Variants in ARPP19 observed in about 807,000 individuals in gnomAD.
ARPP19 encodes cAMP regulated phosphoprotein 19, also known as cAMP-regulated phosphoprotein 19.
In ARPP19, 8 loss-of-function variants were observed where a neutral mutation model predicts 12.0. The ratio of observed to expected loss-of-function variants is 0.67; its 90% CI spans 0.39 to 1.21. The LOEUF is 1.21. ARPP19 is among the 50% of genes most tolerant of loss of function. The pLI is 0.01. For missense variants in ARPP19, 102 were observed against 136.3 expected (o/e 0.75, Z 1.25); for synonymous variants, 47 against 50.4 (o/e 0.93, Z 0.29).
intron 1 of ARPP19, among the ~76,000 whole-genome samples, chr15:52,561,719 T>C (rs989126677): frequency 1.3e-5 from 2 of 150,654 alleles, no homozygotes; most frequent in Admixed American, 6.6e-5. Flanking sequence ...AATATGTTAA[T>C]AACCACAATA....
intron 1 of ARPP19, among the ~76,000 whole-genome samples, chr15:52,566,191 T>C (rs2140254681): frequency 6.7e-6 from 1 of 149,422 alleles, no homozygotes; most frequent in South Asian, 2.1e-4. Flanking sequence ...CAGAATCTTG[T>C]TCTGTTGCCC....
chr15:52,558,732 A>T (rs2078005750), intron 1 of ARPP19, among the ~76,000 whole-genome samples: 1 of 151,888 alleles, frequency 6.6e-6, no homozygotes, highest in Non-Finnish European at 1.5e-5. Flanking sequence ...GAAAGAAAAA[A>T]AAACTTCATA....
chr15:52,551,877 T>C lies in ARPP19; in HGVS notation c.*57A>G, dbSNP rs1195554675. The C allele has an allele frequency of 1.0e-5, 13 of 1,286,466 alleles. No individual in the cohort carries two copies. In the African/African-American group the frequency reaches 1.5e-4, roughly 15 times the overall value. The allele number at this position is 1,286,466 out of a possible 1,614,324, so 79.7% of individuals were successfully genotyped here. A position where few individuals can be genotyped will look rare whatever the true frequency, so the allele number is the denominator to read the frequency against. ...TGAAAGGAAATAAAAAGTAGATAAG[T>C]AACATATTAAGGAGAAATAATGAGA... On this transcript the variant is annotated 3_prime_UTR_variant, in exon 3 of 3. Coordinates refer to ENST00000249822, the MANE Select transcript of ARPP19 (RefSeq NM_006628.6).
intron 1 of ARPP19, among the ~76,000 whole-genome samples, chr15:52,565,038 C>CTTTTT (rs543075410): frequency 1.5e-5 from 2 of 137,198 alleles, no homozygotes; most frequent in Non-Finnish European, 1.6e-5. Flanking sequence ...AAATTACCAT[C>CTTTTT]TTTTTTTTTT....
chr15:52,562,228 C>G (rs1247290128), intron 1 of ARPP19, among the ~76,000 whole-genome samples: 1 of 152,058 alleles, frequency 6.6e-6, no homozygotes, highest in Non-Finnish European at 1.5e-5. Flanking sequence ...AATTTTACAT[C>G]TAACAATTAG....
At chr15:52,557,432 G>C (rs897479929) in intron 1 of ARPP19, 2 of 503,414 alleles carry the variant, frequency 4.0e-6, no homozygotes, top group Non-Finnish European at 7.1e-6. Flanking sequence ...TGATGCATGT[G>C]TAACACCCCA....
intron 1 of ARPP19, among the ~76,000 whole-genome samples, chr15:52,564,984 T>C (rs942109370): frequency 1.3e-5 from 2 of 151,980 alleles, no homozygotes; most frequent in African/African-American, 4.8e-5. Flanking sequence ...AGAACAGATA[T>C]ATAAACCAGG....
chr15:52,562,705 A>G (rs2078045678), intron 1 of ARPP19, among the ~76,000 whole-genome samples: 1 of 152,092 alleles, frequency 6.6e-6, no homozygotes, highest in Non-Finnish European at 1.5e-5. Context: ...AAGGGCTTAT[A>G]TCAGAGAAGA....
intron 1 of ARPP19, among the ~76,000 whole-genome samples, chr15:52,562,454 T>C (rs2078042821): frequency 6.6e-6 from 1 of 152,032 alleles, no homozygotes; most frequent in African/African-American, 2.4e-5. Flanking sequence ...TTAAAAAAAA[T>C]AGGAGTTCTA....
intron 1 of ARPP19, among the ~76,000 whole-genome samples, chr15:52,561,742 C>T (rs1481117431): frequency 6.7e-6 from 1 of 150,312 alleles, no homozygotes; most frequent in Admixed American, 6.6e-5. Context: ...CATACTGAAG[C>T]AACAGACTGT....
At chr15:52,563,791 G>C (rs1195584786) in intron 1 of ARPP19, among the ~76,000 whole-genome samples, 1 of 152,202 alleles carries the variant, frequency 6.6e-6, no homozygotes, top group Admixed American at 6.5e-5. Context: ...CGAATAACTA[G>C]AAAGGATTAA....
chr15:52,551,567 GATT>G lies in ARPP19; in HGVS notation c.*364_*366del, dbSNP rs2077931450. ...ATACAGAAGAAATCAATACAATAGA[GATT>G]ATATTAAATAAGAGTAACATACAAA... On this transcript the variant is annotated 3_prime_UTR_variant, in exon 3 of 3. Coordinates refer to ENST00000249822, the MANE Select transcript of ARPP19 (RefSeq NM_006628.6). The G allele has an allele frequency of 6.1e-6, 1 of 163,718 alleles. No homozygotes were observed. The highest frequency in any genetic ancestry group is 1.7e-4 in the South Asian group (1 of 5,942). 10.1% of individuals were successfully genotyped at this position (163,718 alleles called of 1,614,324 possible).
rs1036421555 is a variant in ARPP19 at position 52,564,119 on chromosome 15, C to T, written c.45+4729G>A. The T allele has an allele frequency of 6.3e-6, 7 of 1,117,254 alleles. No homozygotes were observed. In the African/African-American group the frequency reaches 1.1e-4, roughly 17 times the overall value. 69.2% of individuals were successfully genotyped at this position (1,117,254 alleles called of 1,614,324 possible). On this transcript the variant is annotated intron_variant, in intron 1 of 2. Coordinates refer to ENST00000249822, the MANE Select transcript of ARPP19 (RefSeq NM_006628.6). ...TCTTGCACAAACAAAAGAAGCAACCCTAACAAACTGTTGTATCGCAAACTG... is the reference window on the plus strand; with the variant it reads ...TCTTGCACAAACAAAAGAAGCAACCTTAACAAACTGTTGTATCGCAAACTG...
chr15:52,549,156 G>A lies in ARPP19; in HGVS notation c.*2778C>T, dbSNP rs2077906200. Reference sequence around the variant, plus strand: ...AACAAGTAATTTATTTCAGACTTTAGTTTTCATGAAGTATTTATCAACAAC... The same window carrying A: ...AACAAGTAATTTATTTCAGACTTTAATTTTCATGAAGTATTTATCAACAAC... On this transcript the variant is annotated 3_prime_UTR_variant, in exon 3 of 3. Transcript: ENST00000249822. 6.6e-6 allele frequency: 1 copy of A among 152,174 alleles called. No homozygotes were observed. The highest frequency in any genetic ancestry group is 6.5e-5 in the Admixed American group (1 of 15,274). 9.4% of individuals were successfully genotyped at this position (152,174 alleles called of 1,614,324 possible).
chr15:52,559,484 C>T (rs555410069), intron 1 of ARPP19, among the ~76,000 whole-genome samples: 17 of 152,280 alleles, frequency 1.1e-4, no homozygotes, highest in Middle Eastern at 3.4e-3. Flanking sequence ...TCTGTTCAAA[C>T]GCTGGACATA....
Position 52,550,911 on chromosome 15 carries a change from T to C in ARPP19, c.*1023A>G, listed in dbSNP as rs181548597. The C allele has an allele frequency of 2.0e-5, 3 of 152,772 alleles. No homozygotes were observed. The highest frequency in any genetic ancestry group is 2.4e-5 in the African/African-American group (1 of 41,588). 9.5% of individuals were successfully genotyped at this position (152,772 alleles called of 1,614,324 possible). On this transcript the variant is annotated 3_prime_UTR_variant, in exon 3 of 3. Coordinates refer to ENST00000249822, the MANE Select transcript of ARPP19 (RefSeq NM_006628.6). ...ATTGCAACTTTCATAAAAATCAAAA[T>C]GAAAGGTTCTGCATAGGACAAAAGA...
chr15:52,561,933 A>AC (rs2078036543), intron 1 of ARPP19, among the ~76,000 whole-genome samples: 2 of 136,018 alleles, frequency 1.5e-5, no homozygotes, highest in East Asian at 5.3e-4. Flanking sequence ...CAGTGCACCT[A>AC]CTTTTTTTTT....
chr15:52,561,461 AAAAAG>A (rs1286112616), intron 1 of ARPP19, among the ~76,000 whole-genome samples: 2 of 152,196 alleles, frequency 1.3e-5, no homozygotes, highest in Non-Finnish European at 2.9e-5. Context: ...TGTGGAGTTA[AAAAAG>A]AAAAGAATAC....
Position 52,550,320 on chromosome 15 carries a change from C to T in ARPP19, c.*1614G>A, listed in dbSNP as rs564179437. On this transcript the variant is annotated 3_prime_UTR_variant, in exon 3 of 3. Coordinates refer to ENST00000249822, the MANE Select transcript of ARPP19 (RefSeq NM_006628.6). ...ACATCTACAGAAGCAAACATCTAAA[C>T]ATTTTTAATAGGAGTTTTACCTGTC... is the stretch of plus-strand genomic sequence containing the variant. 5 of 152,322 alleles carry T rather than the reference C, an allele frequency of 3.3e-5. No homozygotes were observed. The highest frequency in any genetic ancestry group is 1.2e-4 in the African/African-American group (5 of 41,574). The allele number at this position is 152,322 out of a possible 1,614,324, so 9.4% of individuals were successfully genotyped here.
Sources: gnomAD v4.1 joint callset for allele counts (sites outside exome capture counted in the v4.1 genomes callset) on GRCh38, gnomAD v4.1.1 for gene constraint, MANE v1.5 for transcripts, NCBI Gene and HGNC (gene_info 2026-07-23, HGNC 2026-07-21) for gene names.